Variants in CR1L observed in about 807,000 individuals in gnomAD.
The protein encoded by CR1L is complement C3b/C4b receptor 1 like.
In CR1L, 59 loss-of-function variants were observed where a neutral mutation model predicts 62.3. That is an observed-to-expected ratio of 0.95 (90% CI 0.77 to 1.18). The LOEUF (loss-of-function observed/expected upper bound fraction) is 1.18, where lower values mean the gene tolerates loss of function less well. Ranked by LOEUF, CR1L falls within the 50% of genes most tolerant of loss-of-function variation. The probability of loss-of-function intolerance (pLI) is 0.00; values close to 1 mark genes in which losing one functional copy is unlikely to be tolerated. For missense variants in CR1L, 700 were observed against 702.8 expected, an observed-to-expected ratio of 1.00 and a Z score of 0.04; for synonymous variants, 279 against 248.7, an observed-to-expected ratio of 1.12 and a Z score of -1.15.
Position 207,723,682 on chromosome 1 carries a change from TTAACAG to T in CR1L, c.*1_*6del. Reference sequence around the variant, plus strand: ...TGTTTGCTGAGGAATTCTGTCATCTTTAACAGTAAGTACCTACTTATAATGAATGCA... The same window carrying T: ...TGTTTGCTGAGGAATTCTGTCATCTTTAAGTACCTACTTATAATGAATGCA... On this transcript the variant is annotated stop_retained_variant and 3_prime_UTR_variant, in exon 12 of 12. Coordinates refer to ENST00000508064, the MANE Select transcript of CR1L (RefSeq NM_175710.2). 1.9e-6 allele frequency: 3 copies of T among 1,576,178 alleles called. No individual in the cohort carries two copies. Among genetic ancestry groups the T allele is most frequent in the Non-Finnish European group, 2.6e-6 (3 of 1,154,360 alleles).
intron 1 of CR1L, among the ~76,000 whole-genome samples, chr1:207,668,307 T>C (rs1448335242): frequency 6.6e-6 from 1 of 151,124 alleles, no homozygotes; most frequent in Non-Finnish European, 1.5e-5. Context: ...TAAAATGTGG[T>C]ATATATACAC....
rs768269456 is a variant in CR1L, at chr1:207,697,765, T to C, written c.1040-6T>C. The C allele has an allele frequency of 1.9e-5, 31 of 1,613,948 alleles. No individual in the cohort carries two copies. Among genetic ancestry groups the C allele is most frequent in the African/African-American group, 2.7e-5 (2 of 74,942 alleles). On this transcript the variant is annotated splice_polypyrimidine_tract_variant and splice_region_variant and intron_variant, in intron 6 of 11. Transcript: ENST00000508064. ...GTTATTTCTGTTCGTTTTTCTTTTT[T>C]TCCAGTGAAATCCTGTGATGACTTC...
At chr1:207,717,269 T>C (rs1424494720) in intron 10 of CR1L, among the ~76,000 whole-genome samples, 195 bp from the exon 11 acceptor site, 15 of 152,190 alleles carry the variant, frequency 9.9e-5, no homozygotes, top group Non-Finnish European at 2.1e-4. Context: ...GCTTTTGCAA[T>C]AGACTGTAAT....
At chr1:207,647,603 C>G (rs2102436013) in intron 1 of CR1L, among the ~76,000 whole-genome samples, 1 of 152,296 alleles carries the variant, frequency 6.6e-6, no homozygotes, top group Middle Eastern at 3.4e-3. Flanking sequence ...ATATAGACAT[C>G]TGTTAAATAT....
chr1:207,651,008 A>G lies in CR1L; in HGVS notation c.97+5678A>G, dbSNP rs375888834. Among the ~76,000 whole-genome samples, 630 of 152,122 alleles carry G rather than the reference A, an allele frequency of 4.1e-3. 7 individuals are homozygous for G. Among genetic ancestry groups the G allele is most frequent in the African/African-American group, 0.015 (616 of 41,486 alleles). ...CACCATGTTAGCCAGGATGGTCTCT[A>G]TCTCCTGACCTCGTGATCCGCCCGC... On this transcript the variant is annotated intron_variant, in intron 1 of 11. Coordinates refer to ENST00000508064, the MANE Select transcript of CR1L (RefSeq NM_175710.2).
At chr1:207,719,563 T>TA (rs894498697) in intron 11 of CR1L, among the ~76,000 whole-genome samples, 14 of 151,694 alleles carry the variant, frequency 9.2e-5, no homozygotes, top group African/African-American at 2.9e-4. Context: ...CTACAAAAAA[T>TA]AAAAAAAATT....
chr1:207,675,003 AT>A (rs369916683), intron 1 of CR1L, among the ~76,000 whole-genome samples: 6 of 151,304 alleles, frequency 4.0e-5, no homozygotes, highest in East Asian at 1.9e-4. Context: ...TGGACTCTTC[AT>A]TTTTTTTTAA....
intron 10 of CR1L, among the ~76,000 whole-genome samples, chr1:207,716,476 T>C (rs1654002465): frequency 6.6e-6 from 1 of 152,202 alleles, no homozygotes; most frequent in Non-Finnish European, 1.5e-5. Flanking sequence ...CTATTCTGTC[T>C]ATTAAAGCAA....
intron 3 of CR1L, among the ~76,000 whole-genome samples, chr1:207,682,696 T>C (rs1663819166): frequency 6.6e-6 from 1 of 152,208 alleles, no homozygotes; most frequent in Non-Finnish European, 1.5e-5. Flanking sequence ...ACCATGACTG[T>C]TACTTGACAT....
At chr1:207,704,379 G>GA (rs1571530719) in intron 9 of CR1L, among the ~76,000 whole-genome samples, 1 of 152,240 alleles carries the variant, frequency 6.6e-6, no homozygotes, top group African/African-American at 2.4e-5. Flanking sequence ...TCCTGGTGAA[G>GA]ATGCCATGAG....
Position 207,652,748 on chromosome 1 carries a change from G to GA in CR1L, c.97+7418_97+7419insA, listed in dbSNP as rs1469968306. 10 of 728,236 alleles carry GA rather than the reference G, an allele frequency of 1.4e-5. No individual in the cohort carries two copies. In the African/African-American group the frequency reaches 1.8e-4, roughly 13 times the overall value. 45.1% of individuals were successfully genotyped at this position (728,236 alleles called of 1,614,324 possible). A position where few individuals can be genotyped will look rare whatever the true frequency, so the allele number is the denominator to read the frequency against. On this transcript the variant is annotated intron_variant, in intron 1 of 11. Coordinates refer to ENST00000508064, the MANE Select transcript of CR1L (RefSeq NM_175710.2). ...GAGCCCTGTTATAGTAAATAAACTA[G>GA]CCTTTTTTTTTTGTTTTCTGCTTGC...
chr1:207,681,361 G>A (rs544926155), intron 3 of CR1L, among the ~76,000 whole-genome samples: 1 of 152,280 alleles, frequency 6.6e-6, no homozygotes, highest in African/African-American at 2.4e-5. Flanking sequence ...CAAAAAGGTA[G>A]GGTAGGATGT....
intron 10 of CR1L, among the ~76,000 whole-genome samples, chr1:207,713,202 A>C (rs1664388866): frequency 6.6e-6 from 1 of 152,178 alleles, no homozygotes; most frequent in South Asian, 2.1e-4. Flanking sequence ...CTTGAAATGA[A>C]TGGGTACGTA....
In CR1L at chr1:207,683,918, A is replaced by G. The variant is rs932919472; in HGVS notation, c.424A>G (p.Asn142Asp). ...GTCTGCCACATGCATCATCTCAGGC[A>G]ACACTGTCATTTGGGATAATAAAAC... ...SSSATCIISGNTVIWDNKTPV... is the reference protein window; with the variant it reads ...SSSATCIISGDTVIWDNKTPV... The change falls in exon 4 of 12, where the codon AAC becomes GAC. Residue 142 changes from asparagine (N) to aspartate (D), a missense_variant. By Grantham distance (23) the Asn-to-Asp change is conservative. Transcript: ENST00000508064. 1.2e-6 allele frequency: 2 copies of G among 1,613,518 alleles called. No individual in the cohort carries two copies. The highest frequency in any genetic ancestry group is 1.3e-5 in the African/African-American group (1 of 74,922).
intron 3 of CR1L, among the ~76,000 whole-genome samples, chr1:207,683,545 AT>A (rs1429429795): frequency 2.6e-5 from 4 of 152,226 alleles, no homozygotes; most frequent in African/African-American, 9.6e-5. Context: ...ACATATGTAT[AT>A]ATATGACAGC....
intron 4 of CR1L, among the ~76,000 whole-genome samples, chr1:207,688,071 G>A (rs908265415): frequency 2.0e-5 from 3 of 152,058 alleles, no homozygotes; most frequent in African/African-American, 4.8e-5. Context: ...CCAGGAGTTC[G>A]AGACCAGCCT....
At chr1:207,701,171 A>G (rs542495751) in intron 8 of CR1L, among the ~76,000 whole-genome samples, 1 of 152,372 alleles carries the variant, frequency 6.6e-6, no homozygotes, top group Non-Finnish European at 1.5e-5. Context: ...AAGATTGTGT[A>G]GGAAGACAAA....
At chr1:207,674,464 A>G (rs1034742137) in intron 1 of CR1L, among the ~76,000 whole-genome samples, 4 of 152,216 alleles carry the variant, frequency 2.6e-5, no homozygotes, top group African/African-American at 9.6e-5. Flanking sequence ...TTGGTAATAA[A>G]GAGGGAAAGG....
intron 9 of CR1L, among the ~76,000 whole-genome samples, chr1:207,706,013 GTATATATATATATA>G (rs139294447): frequency 3.0e-5 from 4 of 133,574 alleles, no homozygotes; most frequent in South Asian, 4.8e-4. Flanking sequence ...GTGTGTGTAT[GTATATATATATATA>G]TATATATATA....
Sources: gnomAD v4.1 joint callset for allele counts (sites outside exome capture counted in the v4.1 genomes callset) on GRCh38, gnomAD v4.1.1 for gene constraint, MANE v1.5 for transcripts, NCBI Gene and HGNC (gene_info 2026-07-23, HGNC 2026-07-21) for gene names.